The following EDA variants were observed in gnomAD, a reference collection of about 807,000 sequenced individuals.
EDA encodes the protein ectodysplasin-A.
EDA carries 2 observed loss-of-function variants against 23.6 expected under a neutral mutation model. The ratio of observed to expected loss-of-function variants is 0.08; its 90% CI spans 0.03 to 0.27. The LOEUF is 0.27. EDA is among the 10% of genes least tolerant of loss of function. The pLI, the probability that EDA is intolerant of heterozygous loss-of-function variation, is 1.00. For missense variants in EDA, 229 were observed against 324.2 expected, an observed-to-expected ratio of 0.71 and a Z score of 2.26; for synonymous variants, 131 against 132.0, an observed-to-expected ratio of 0.99 and a Z score of 0.05.
intron 2 of EDA, among the ~76,000 whole-genome samples, chrX:70,014,217 A>G (rs949734090): frequency 6.2e-5 from 7 of 112,816 alleles, no homozygotes; most frequent in Non-Finnish European, 1.3e-4. Context: ...ACAGCTGAAG[A>G]CACAAGGAAA....
intron 1 of EDA, among the ~76,000 whole-genome samples, chrX:69,790,332 C>A (rs1347170932): frequency 9.2e-6 from 1 of 108,541 alleles, no homozygotes; most frequent in African/African-American, 3.4e-5. Context: ...GGAGAGGGGG[C>A]AGAGGGGTGA....
intron 1 of EDA, among the ~76,000 whole-genome samples, chrX:69,632,268 G>A: frequency 9.0e-6 from 1 of 111,576 alleles, no homozygotes; most frequent in East Asian, 2.8e-4. Flanking sequence ...ATTCTCTTGT[G>A]GGGCTGGCTT....
intron 1 of EDA, among the ~76,000 whole-genome samples, chrX:69,694,965 T>C (rs2011282919): frequency 8.9e-6 from 1 of 112,392 alleles, no homozygotes; most frequent in Non-Finnish European, 1.9e-5. Flanking sequence ...ATCCCAAAGT[T>C]AATTCAAAGT....
chrX:69,849,713 A>G (rs186513349), intron 1 of EDA, among the ~76,000 whole-genome samples: 90 of 111,886 alleles, frequency 8.0e-4, no homozygotes, highest in Middle Eastern at 4.6e-3. Context: ...CCATGGGTGA[A>G]TGTCATGCTT....
At chrX:69,797,761 A>G (rs2015577173) in intron 1 of EDA, among the ~76,000 whole-genome samples, 1 of 112,124 alleles carries the variant, frequency 8.9e-6, no homozygotes, top group African/African-American at 3.2e-5. Context: ...GGAACAAAGG[A>G]TATACATAAC....
chrX:69,888,977 GTTAT>G (rs1460468674), intron 1 of EDA, among the ~76,000 whole-genome samples: 296 of 13,235 alleles, frequency 0.022, 6 homozygotes, highest in African/African-American at 0.074. Context: ...TTGTGGGGTA[GTTAT>G]ATATATATAT....
chrX:69,979,581 TC>T (rs1031901840), intron 2 of EDA, among the ~76,000 whole-genome samples: 3 of 111,868 alleles, frequency 2.7e-5, no homozygotes, highest in African/African-American at 9.7e-5. Context: ...TTTGATTATA[TC>T]ATAGTGGGTG....
At chrX:69,817,384 G>A (rs1345863399) in intron 1 of EDA, among the ~76,000 whole-genome samples, 1 of 111,446 alleles carries the variant, frequency 9.0e-6, no homozygotes. Flanking sequence ...AACCTTAAAT[G>A]TAAATGGACT....
At chrX:70,027,772 G>A (rs1417310917) in intron 3 of EDA, 85 bp from the exon 4 acceptor site, 6 of 510,242 alleles carry the variant, frequency 1.2e-5, no homozygotes, top group African/African-American at 4.7e-5. Context: ...GCAGTGAGCC[G>A]AGATCGTGCC....
At chrX:69,865,416 T>C (rs764204447) in intron 1 of EDA, among the ~76,000 whole-genome samples, 4 of 110,591 alleles carry the variant, frequency 3.6e-5, no homozygotes, top group Non-Finnish European at 7.6e-5. Context: ...ACTGAAGAAC[T>C]TGGAGCCCAA....
chrX:69,822,152 G>C (rs193031037), intron 1 of EDA, among the ~76,000 whole-genome samples: 1 of 110,518 alleles, frequency 9.0e-6, no homozygotes, highest in East Asian at 2.8e-4. Context: ...ACGTATGGTG[G>C]TGCACGCCTG....
At chrX:69,677,061 G>C (rs1934119706) in intron 1 of EDA, among the ~76,000 whole-genome samples, 1 of 94,650 alleles carries the variant, frequency 1.1e-5, no homozygotes, top group Non-Finnish European at 2.1e-5. Context: ...TCCCACCTAT[G>C]AGTGAGAATA....
intron 1 of EDA, among the ~76,000 whole-genome samples, chrX:69,902,017 A>G (rs976663985): frequency 1.8e-5 from 2 of 112,406 alleles, no homozygotes; most frequent in African/African-American, 6.5e-5. Flanking sequence ...ATGATATCAC[A>G]TATGATCTTT....
intron 1 of EDA, among the ~76,000 whole-genome samples, chrX:69,798,137 C>G (rs2015586858): frequency 9.0e-6 from 1 of 111,199 alleles, no homozygotes; most frequent in Admixed American, 9.5e-5. Flanking sequence ...TACATACACA[C>G]CTAACACTGG....
At chrX:69,912,872 A>C (rs759037093) in intron 1 of EDA, among the ~76,000 whole-genome samples, 1 of 107,544 alleles carries the variant, frequency 9.3e-6, no homozygotes, top group East Asian at 2.9e-4. Flanking sequence ...GGTTCAAGCA[A>C]TTCTCCCACC....
At chrX:69,783,279 TTTTTTA>T (rs1321551126) in intron 1 of EDA, among the ~76,000 whole-genome samples, 3 of 111,163 alleles carry the variant, frequency 2.7e-5, no homozygotes, top group Non-Finnish European at 5.7e-5. Flanking sequence ...TTTGCTTCTT[TTTTTTA>T]TTTTATTTCT....
rs1178851808 is a variant in EDA, at chrX:69,919,399, A to G, written c.397-37628A>G. On this transcript the variant is annotated intron_variant, in intron 1 of 7. Transcript: ENST00000374552. ...GAGACCGCCAACTTGTTTCTCAAGGAGACACTGGCAGATACTTATAACATT... is the reference window on the plus strand; with the variant it reads ...GAGACCGCCAACTTGTTTCTCAAGGGGACACTGGCAGATACTTATAACATT... 4.4e-5 allele frequency among the ~76,000 whole-genome samples: 5 copies of G among 112,395 alleles called. No homozygotes were observed. The South Asian group carries it at 1.8e-3, about 41-fold the overall frequency.
chrX:69,936,694 A>G (rs2018678303), intron 1 of EDA, among the ~76,000 whole-genome samples: 1 of 111,838 alleles, frequency 8.9e-6, no homozygotes. Flanking sequence ...TCCAAAGTAC[A>G]AAACTGATGG....
At chrX:69,719,467 C>T (rs1013502096) in intron 1 of EDA, among the ~76,000 whole-genome samples, 9 of 110,384 alleles carry the variant, frequency 8.2e-5, no homozygotes, top group African/African-American at 3.0e-4. Context: ...CTACATTGTA[C>T]CCAACAGGTA....
Sources: allele counts gnomAD v4.1 joint callset (sites outside exome capture counted in the v4.1 genomes callset), GRCh38; gene constraint gnomAD v4.1.1; transcripts MANE v1.5; gene names NCBI Gene and HGNC (gene_info 2026-07-23, HGNC 2026-07-21).